Variants in STARD13 observed in about 807,000 individuals in gnomAD.
STARD13 encodes stAR-related lipid transfer protein 13.
Under a neutral mutation model 106.4 loss-of-function variants are expected in STARD13, and 62 were observed. That is an observed-to-expected ratio of 0.58 (90% confidence interval 0.48 to 0.72). The LOEUF is 0.72. Ranked by LOEUF, STARD13 falls within the 30% of genes least tolerant of loss-of-function variation. The probability of loss-of-function intolerance (pLI) is 0.00; values close to 1 mark genes in which losing one functional copy is unlikely to be tolerated. For synonymous variants in STARD13, 565 were observed against 553.0 expected, an observed-to-expected ratio of 1.02 and a Z score of -0.31; for missense variants, 1,387 against 1,424.0, an observed-to-expected ratio of 0.97 and a Z score of 0.42.
At chr13:33,511,769 C>A in the STARD13 span, among the ~76,000 whole-genome samples, 1 of 151,882 alleles carries the variant, frequency 6.6e-6, no homozygotes, top group African/African-American at 2.4e-5. Context: ...AAGTTCCGTA[C>A]CATGGTTATC....
In STARD13 at chr13:33,126,842, C is replaced by T. The variant is rs552222963; in HGVS notation, c.1922+531G>A. Reference sequence around the variant, plus strand: ...CACATTTTGTATTTTTTCAAACCCACCAAATCATCTACAATAGGTCCACAT... The same window carrying T: ...CACATTTTGTATTTTTTCAAACCCATCAAATCATCTACAATAGGTCCACAT... On this transcript the variant is annotated intron_variant, in intron 6 of 13. Coordinates refer to ENST00000336934, the MANE Select transcript of STARD13 (RefSeq NM_178006.4). Among the ~76,000 whole-genome samples the T allele has an allele frequency of 7.2e-4, 107 of 149,198 alleles. 1 individual carries two copies. The highest frequency in any genetic ancestry group is 2.6e-3 in the African/African-American group (105 of 40,218).
chr13:33,325,181 C>G (rs1230271108), intron 1 of STARD13, among the ~76,000 whole-genome samples: 1 of 152,164 alleles, frequency 6.6e-6, no homozygotes, highest in Admixed American at 6.5e-5. Context: ...CTCACTGGCA[C>G]AACGGTGTTT....
chr13:33,590,400 A>T, the STARD13 span, among the ~76,000 whole-genome samples: 1 of 152,010 alleles, frequency 6.6e-6, no homozygotes, highest in Non-Finnish European at 1.5e-5. Context: ...ACATGCACAC[A>T]TATGTTTATT....
chr13:33,334,882 A>G (rs2077877319), intron 1 of STARD13: 3 of 147,688 alleles, frequency 2.0e-5, no homozygotes, highest in African/African-American at 7.5e-5. Context: ...CAGCGCACAC[A>G]CACACCACAC....
At chr13:33,667,545 C>G in the STARD13 span, among the ~76,000 whole-genome samples, 1 of 152,178 alleles carries the variant, frequency 6.6e-6, no homozygotes, top group African/African-American at 2.4e-5. Context: ...TGAATGTGTC[C>G]ATTTATCTTC....
intron 1 of STARD13, among the ~76,000 whole-genome samples, chr13:33,193,218 C>A (rs1049523666): frequency 6.6e-6 from 1 of 152,134 alleles, no homozygotes; most frequent in Non-Finnish European, 1.5e-5. Context: ...TTCACCACAG[C>A]AGCATGTAGT....
At chr13:33,495,943 ATTAT>A in the STARD13 span, among the ~76,000 whole-genome samples, 1 of 143,226 alleles carries the variant, frequency 7.0e-6, no homozygotes, top group South Asian at 2.1e-4. Context: ...ATATAATTAT[ATTAT>A]TTAATTATAT....
chr13:33,527,296 T>C, the STARD13 span, among the ~76,000 whole-genome samples: 1 of 152,012 alleles, frequency 6.6e-6, no homozygotes. Flanking sequence ...CTTCCTTTGT[T>C]CCTTTCCCAG....
chr13:33,413,060 A>G, the STARD13 span, among the ~76,000 whole-genome samples: 3 of 152,334 alleles, frequency 2.0e-5, no homozygotes, highest in East Asian at 5.8e-4. Context: ...GAAATAAAAC[A>G]AAATGTTTTC....
chr13:33,601,402 G>A, the STARD13 span, among the ~76,000 whole-genome samples: 9 of 152,000 alleles, frequency 5.9e-5, no homozygotes, highest in African/African-American at 1.9e-4. Context: ...GAACCTGATC[G>A]TGTCAAACTG....
At chr13:33,176,262 T>A (rs1017697352) in intron 1 of STARD13, among the ~76,000 whole-genome samples, 1 of 152,206 alleles carries the variant, frequency 6.6e-6, no homozygotes, top group Non-Finnish European at 1.5e-5. Context: ...ATTGTATGTA[T>A]TTTCTTAAAA....
the STARD13 span, among the ~76,000 whole-genome samples, chr13:33,629,598 A>G: frequency 6.6e-6 from 1 of 152,258 alleles, no homozygotes; most frequent in African/African-American, 2.4e-5. Context: ...AAGTTTTGAG[A>G]TTAAATCTAT....
At chr13:33,175,590 G>GA (rs1167346255) in intron 1 of STARD13, among the ~76,000 whole-genome samples, 2 of 152,164 alleles carry the variant, frequency 1.3e-5, no homozygotes, top group Non-Finnish European at 2.9e-5. Flanking sequence ...TTGGCTCTCA[G>GA]AGCCGAGCTC....
At chr13:33,422,551 T>A in the STARD13 span, among the ~76,000 whole-genome samples, 1 of 152,120 alleles carries the variant, frequency 6.6e-6, no homozygotes, top group Non-Finnish European at 1.5e-5. Context: ...GCCATCCCCA[T>A]CAAACTACCA....
At chr13:33,607,323 A>C in the STARD13 span, among the ~76,000 whole-genome samples, 1 of 149,306 alleles carries the variant, frequency 6.7e-6, no homozygotes, top group Admixed American at 6.6e-5. Flanking sequence ...TTTGAGACAG[A>C]ACCTCGCTCT....
At chr13:33,252,348 A>T (rs954995011) in intron 1 of STARD13, among the ~76,000 whole-genome samples, 1 of 152,354 alleles carries the variant, frequency 6.6e-6, no homozygotes, top group African/African-American at 2.4e-5. Context: ...CAGTGATAAC[A>T]GAGTGCTAGA....
the STARD13 span, among the ~76,000 whole-genome samples, chr13:33,408,522 T>C: frequency 2.6e-5 from 4 of 152,316 alleles, no homozygotes; most frequent in East Asian, 7.7e-4. Flanking sequence ...CCATTGTTTG[T>C]ATACACCACA....
At chr13:33,314,680 T>A (rs1594252220) in intron 1 of STARD13, among the ~76,000 whole-genome samples, 1 of 152,160 alleles carries the variant, frequency 6.6e-6, no homozygotes. Flanking sequence ...ATGAGATCAG[T>A]ATTATTATCC....
chr13:33,290,448 A>G (rs376347227), upstream of STARD13, among the ~76,000 whole-genome samples: 21 of 152,270 alleles, frequency 1.4e-4, 1 homozygote, highest in South Asian at 4.1e-3. Flanking sequence ...AACTTTCCCA[A>G]TCTGCATGCA....
Sources: gnomAD v4.1 joint callset for allele counts (sites outside exome capture counted in the v4.1 genomes callset) on GRCh38, gnomAD v4.1.1 for gene constraint, MANE v1.5 for transcripts, NCBI Gene and HGNC (gene_info 2026-07-23, HGNC 2026-07-21) for gene names.